SHROOM4: variants seen among roughly 807,000 people sequenced by gnomAD.
SHROOM4 encodes the protein shroom family member 4, also known as protein Shroom4.
SHROOM4 carries 17 observed loss-of-function variants against 80.3 expected under a neutral mutation model. The ratio of observed to expected loss-of-function variants is 0.21; its 90% CI spans 0.14 to 0.32. The LOEUF is 0.32. Ranked by LOEUF, SHROOM4 falls within the 10% of genes least tolerant of loss-of-function variation. The pLI is 1.00. For missense variants in SHROOM4, 993 were observed against 1,140.3 expected (o/e 0.87, Z 1.86); for synonymous variants, 400 against 437.5 (o/e 0.91, Z 1.07).
rs146368811 is a variant in SHROOM4, at chrX:50,725,242, C to T, written c.118-29305G>A. Among the ~76,000 whole-genome samples, 6 of 112,145 alleles carry T rather than the reference C, an allele frequency of 5.4e-5. No individual in the cohort carries two copies. In the East Asian group the frequency reaches 1.7e-3, roughly 32 times the overall value. ...ACTGGCACCTCTTATCCTCAGTAGG[C>T]CCTTGTTATGAAAATGCTGCTCTAG... On this transcript the variant is annotated intron_variant, in intron 1 of 8. Transcript: ENST00000376020.
chrX:50,797,632 C>T (rs1348490388), intron 1 of SHROOM4, among the ~76,000 whole-genome samples: 10 of 111,139 alleles, frequency 9.0e-5, no homozygotes, highest in African/African-American at 3.3e-4. Context: ...AACTACATTA[C>T]CTATTCAACA....
chrX:50,775,897 C>T (rs1935493784), intron 1 of SHROOM4, among the ~76,000 whole-genome samples: 1 of 112,280 alleles, frequency 8.9e-6, no homozygotes, highest in Admixed American at 9.4e-5. Context: ...CAACCGTAAG[C>T]CAAATACTGG....
chrX:50,727,222 C>A (rs1934261397), intron 1 of SHROOM4, among the ~76,000 whole-genome samples: 2 of 112,785 alleles, frequency 1.8e-5, no homozygotes, highest in South Asian at 7.3e-4. Flanking sequence ...TGCCCATACC[C>A]CCATTGTATC....
chrX:50,627,645 T>C lies in SHROOM4; in HGVS notation c.2926A>G (p.Thr976Ala). ...EFPGDKWNPI[T>A]GNRKTSQSGR... ...GACTGGCTGGTCTTCCTGTTTCCTG[T>C]TATTGGATTCCATTTGTCCCCAGGA... The change falls in exon 5 of 9, where the codon ACA becomes GCA. Residue 976 changes from threonine (T) to alanine (A), a missense_variant. By Grantham distance (58) the Thr-to-Ala change is moderately conservative. Coordinates refer to ENST00000376020, the MANE Select transcript of SHROOM4 (RefSeq NM_020717.5). The C allele has an allele frequency of 8.3e-7, 1 of 1,210,995 alleles. No homozygotes were observed. The highest frequency in any genetic ancestry group is 1.1e-6 in the Non-Finnish European group (1 of 894,823).
At chrX:50,661,951 T>C (rs1184212767) in intron 2 of SHROOM4, among the ~76,000 whole-genome samples, 2 of 111,098 alleles carry the variant, frequency 1.8e-5, no homozygotes, top group East Asian at 5.6e-4. Context: ...GAGGCTGAGA[T>C]AGAACTCTAG....
rs1255710648 is a variant in SHROOM4, at chrX:50,660,933, T to A, written c.270-22625A>T. 8.2e-4 allele frequency among the ~76,000 whole-genome samples: 90 copies of A among 110,136 alleles called. 3 individuals are homozygous for A. The highest frequency in any genetic ancestry group is 5.7e-5 in the Non-Finnish European group (3 of 52,800). ...TGCCAACAGAGTATCTTTCATTTGT[T>A]TTTATAAGCCCACTTTCTTTTTGTC... is the stretch of plus-strand genomic sequence containing the variant. On this transcript the variant is annotated intron_variant, in intron 2 of 8. Transcript: ENST00000376020.
At chrX:50,805,417 G>A (rs1379523793) in intron 1 of SHROOM4, among the ~76,000 whole-genome samples, 2 of 111,845 alleles carry the variant, frequency 1.8e-5, no homozygotes, top group African/African-American at 6.5e-5. Context: ...GGGGACAGAA[G>A]ACACCACAAA....
intron 4 of SHROOM4, among the ~76,000 whole-genome samples, chrX:50,627,889 G>A (rs1449087004): frequency 8.9e-6 from 1 of 111,860 alleles, no homozygotes; most frequent in African/African-American, 3.3e-5. Flanking sequence ...GACTAAGGGA[G>A]CACTTAGGGA....
At chrX:50,602,249 G>A (rs1027559085) in intron 7 of SHROOM4, among the ~76,000 whole-genome samples, 2 of 109,780 alleles carry the variant, frequency 1.8e-5, no homozygotes, top group Non-Finnish European at 3.8e-5. Context: ...CCACCACCAC[G>A]CCTGGCTAAT....
At chrX:50,806,336 A>T (rs145465783) in intron 1 of SHROOM4, among the ~76,000 whole-genome samples, 1,538 of 112,530 alleles carry the variant, frequency 0.014, 14 homozygotes, top group South Asian at 0.037. Flanking sequence ...AGATCAAGTC[A>T]TCTTGACTTT....
Position 50,596,554 on chromosome X carries a change from G to C in SHROOM4, c.*141C>G, listed in dbSNP as rs902274928. On this transcript the variant is annotated 3_prime_UTR_variant, in exon 9 of 9. Coordinates refer to ENST00000376020, the MANE Select transcript of SHROOM4 (RefSeq NM_020717.5). ...GCTGGTTAGGACCACTGCTAGGGAA[G>C]GGGTAGTGAGAGACATCCAGGGTAG... 1.5e-5 allele frequency: 12 copies of C among 825,365 alleles called. No individual in the cohort carries two copies. The highest frequency in any genetic ancestry group is 1.9e-5 in the Non-Finnish European group (11 of 571,225). The allele number at this position is 825,365 out of a possible 1,213,427, so 68.0% of individuals were successfully genotyped here. A position where few individuals can be genotyped will look rare whatever the true frequency, so the allele number is the denominator to read the frequency against.
chrX:50,633,097 T>C, intron 4 of SHROOM4, 81 bp downstream of exon 4: 1 of 908,055 alleles, frequency 1.1e-6, no homozygotes, highest in Non-Finnish European at 1.6e-6. Context: ...ATTATAATTG[T>C]TATATTTTTA....
intron 1 of SHROOM4, among the ~76,000 whole-genome samples, chrX:50,711,278 C>T (rs1245769039): frequency 9.0e-6 from 1 of 111,621 alleles, no homozygotes; most frequent in Non-Finnish European, 1.9e-5. Context: ...CCCAAAGCAT[C>T]AGTCAAGGAA....
chrX:50,733,681 G>A (rs1934419535), intron 1 of SHROOM4, among the ~76,000 whole-genome samples: 1 of 111,916 alleles, frequency 8.9e-6, no homozygotes, highest in African/African-American at 3.3e-5. Flanking sequence ...TATAATGAAA[G>A]ACTACAAGCT....
chrX:50,758,134 A>T, intron 1 of SHROOM4, among the ~76,000 whole-genome samples: 1 of 111,891 alleles, frequency 8.9e-6, no homozygotes, highest in East Asian at 2.8e-4. Flanking sequence ...TTGATGTCAT[A>T]TCCTACAGAC....
chrX:50,651,777 C>T (rs782714145), intron 2 of SHROOM4, among the ~76,000 whole-genome samples: 16 of 108,444 alleles, frequency 1.5e-4, no homozygotes, highest in African/African-American at 5.4e-4. Context: ...ATTCCCCTCC[C>T]AGTGTCCATG....
At chrX:50,780,485 A>G in intron 1 of SHROOM4, among the ~76,000 whole-genome samples, 1 of 111,841 alleles carries the variant, frequency 8.9e-6, no homozygotes, top group Non-Finnish European at 1.9e-5. Flanking sequence ...GTAAATGAGA[A>G]CCTAAGCTCC....
intron 1 of SHROOM4, among the ~76,000 whole-genome samples, chrX:50,737,215 A>C (rs1016757863): frequency 3.6e-5 from 4 of 111,325 alleles, no homozygotes; most frequent in Non-Finnish European, 5.7e-5. Flanking sequence ...GAATAACTTG[A>C]AAATAGTTGA....
At chrX:50,729,668 A>G (rs1275840032) in intron 1 of SHROOM4, among the ~76,000 whole-genome samples, 1 of 111,386 alleles carries the variant, frequency 9.0e-6, no homozygotes, top group African/African-American at 3.3e-5. Context: ...AAGAAACTCA[A>G]TGATCCACAC....
Sources: gnomAD v4.1 joint callset for allele counts (sites outside exome capture counted in the v4.1 genomes callset) on GRCh38, gnomAD v4.1.1 for gene constraint, MANE v1.5 for transcripts, NCBI Gene and HGNC (gene_info 2026-07-23, HGNC 2026-07-21) for gene names.